Variants in SLC13A1 observed in about 807,000 individuals in gnomAD.
SLC13A1 encodes solute carrier family 13 member 1.
A neutral mutation model predicts 70.0 loss-of-function variants in SLC13A1; 65 were observed. The ratio of observed to expected loss-of-function variants is 0.93; its 90% CI spans 0.76 to 1.14. The LOEUF is 1.14. SLC13A1 is among the 50% of genes most tolerant of loss of function. The pLI is 0.00. For missense variants in SLC13A1, 726 were observed against 717.8 expected (o/e 1.01, Z -0.13); for synonymous variants, 275 against 250.5 (o/e 1.10, Z -0.92).
chr7:123,119,649 A>T (rs1047046828), intron 12 of SLC13A1, among the ~76,000 whole-genome samples: 3 of 152,156 alleles, frequency 2.0e-5, no homozygotes, highest in Non-Finnish European at 4.4e-5. Context: ...ATAGCTAGCT[A>T]TATTTAGGTA....
intron 1 of SLC13A1, among the ~76,000 whole-genome samples, chr7:123,199,064 G>T (rs1324067245): frequency 6.6e-6 from 1 of 152,142 alleles, no homozygotes; most frequent in African/African-American, 2.4e-5. Flanking sequence ...TCTGGGACCT[G>T]AAGCAGAGAA....
rs1364549147 is a variant in SLC13A1, at chr7:123,168,565, C to A, written c.554-4G>T. On this transcript the variant is annotated splice_region_variant and splice_polypyrimidine_tract_variant and intron_variant, in intron 4 of 14. Transcript: ENST00000194130. ...ATTTCATGTCCATTAACACTTTCTG[C>A]AAAACATTAAATAAAAGAAAAACAA... is the stretch of plus-strand genomic sequence containing the variant. The A allele has an allele frequency of 6.3e-7, 1 of 1,598,292 alleles. No individual in the cohort carries two copies.
At chr7:123,174,066 G>C (rs1398157919) in intron 2 of SLC13A1, among the ~76,000 whole-genome samples, 1 of 145,602 alleles carries the variant, frequency 6.9e-6, no homozygotes, top group Non-Finnish European at 1.5e-5. Context: ...CCTCCAAAAT[G>C]CTGGTATTCC....
intron 1 of SLC13A1, among the ~76,000 whole-genome samples, chr7:123,194,599 A>C (rs1796114859): frequency 2.0e-5 from 3 of 152,052 alleles, no homozygotes; most frequent in Admixed American, 6.6e-5. Context: ...GTGTGTAAAA[A>C]ACAAACAGTC....
rs753228974 is a variant in SLC13A1 at position 123,171,924 on chromosome 7, C to T, written c.229-20G>A. ...TGCCACCTGAAATAACAATTAAACC[C>T]GTGATTATTTACTTTGGTGGGGAAA... is the stretch of plus-strand genomic sequence containing the variant. On this transcript the variant is annotated intron_variant, in intron 2 of 14. Transcript: ENST00000194130. 22 of 1,604,256 alleles carry T rather than the reference C, an allele frequency of 1.4e-5. No homozygotes were observed. The highest frequency in any genetic ancestry group is 1.7e-4 in the Middle Eastern group (1 of 5,922).
chr7:123,153,561 G>A (rs975856375), intron 6 of SLC13A1, among the ~76,000 whole-genome samples: 15 of 152,036 alleles, frequency 9.9e-5, no homozygotes, highest in African/African-American at 3.6e-4. Flanking sequence ...GAGGACTAGA[G>A]GGACAGTAGC....
In SLC13A1 at chr7:123,129,442, G is replaced by C; in HGVS notation, c.972C>G (p.Val324=). The change falls in exon 9 of 15, where the codon GTC becomes GTG. Residue 324 remains valine (V), a synonymous_variant. Transcript: ENST00000194130. ...TCACCTCAGCACAAGCTTTTTGTTG[G>C]ACTGTTTTGGTTTTGCCACATTTGA... ...EMFKCGKTKT[V]QQKACAEVIK... 6.2e-7 allele frequency: 1 copy of C among 1,610,378 alleles called. No homozygotes were observed. The highest frequency in any genetic ancestry group is 8.5e-7 in the Non-Finnish European group (1 of 1,178,798).
intron 6 of SLC13A1, among the ~76,000 whole-genome samples, chr7:123,162,007 T>C (rs900571385): frequency 4.6e-5 from 7 of 151,790 alleles, no homozygotes; most frequent in Non-Finnish European, 1.0e-4. Context: ...GAAAAATCAA[T>C]TTGGAGACAA....
chr7:123,186,529 A>G (rs888947487), intron 1 of SLC13A1, among the ~76,000 whole-genome samples: 33 of 152,086 alleles, frequency 2.2e-4, no homozygotes, highest in Non-Finnish European at 4.1e-4. Context: ...CTTCACCTTA[A>G]CAGACCTCCT....
chr7:123,147,224 G>C lies in SLC13A1; in HGVS notation c.747C>G (p.Thr249=). 6.2e-7 allele frequency: 1 copy of C among 1,613,710 alleles called. No individual in the cohort carries two copies. The highest frequency in any genetic ancestry group is 8.5e-7 in the Non-Finnish European group (1 of 1,179,818). ...CAGTGATTGTTGTCAGTCCACCAAT[G>C]GTAGAAGAGTAGGCAATGCACAAAC... ...LTCLCIAYSS[T]IGGLTTITGT... Residue 249 remains threonine (T), a synonymous_variant, in exon 7 of 15, where the codon ACC becomes ACG. Transcript: ENST00000194130.
intron 1 of SLC13A1, among the ~76,000 whole-genome samples, chr7:123,194,785 C>G (rs1011777608): frequency 6.6e-6 from 1 of 151,978 alleles, no homozygotes; most frequent in African/African-American, 2.4e-5. Flanking sequence ...ATACAGCTTT[C>G]AAACCTGTGA....
rs28364200 is a variant in SLC13A1, at chr7:123,134,512, C to T, written c.830G>A (p.Arg277His). 29 of 1,612,918 alleles carry T rather than the reference C, an allele frequency of 1.8e-5. No individual in the cohort carries two copies. Among genetic ancestry groups the T allele is most frequent in the African/African-American group, 2.7e-5 (2 of 74,868 alleles). ...EYFNTRYPDC[R>H]CLNFGSWFTF... ...AAACCATGATCCAAAGTTGAGGCAA[C>T]GACAGTCAGGATAGCGTCTGTGTGA... Residue 277 changes from arginine to histidine, a missense_variant, in exon 8 of 15, where the codon CGT becomes CAT. By Grantham distance (29) the Arg-to-His change is conservative. Coordinates refer to ENST00000194130, the MANE Select transcript of SLC13A1 (RefSeq NM_022444.4).
At chr7:123,137,665 C>G (rs555676889) in intron 7 of SLC13A1, among the ~76,000 whole-genome samples, 1 of 152,254 alleles carries the variant, frequency 6.6e-6, no homozygotes, top group South Asian at 2.1e-4. Context: ...ACCCTGAGCC[C>G]CTGTCTAGGT....
rs1368004245 is a variant in SLC13A1, at chr7:123,187,499, T to C, written c.100-6398A>G. 3.3e-5 allele frequency among the ~76,000 whole-genome samples: 5 copies of C among 152,214 alleles called. No individual in the cohort carries two copies. The East Asian group carries it at 7.7e-4, about 23-fold the overall frequency. ...ACAAATAAAACATTCCATATTCTGT[T>C]AAAGACTGATGTTAAGGACCACTCC... On this transcript the variant is annotated intron_variant, in intron 1 of 14. Coordinates refer to ENST00000194130, the MANE Select transcript of SLC13A1 (RefSeq NM_022444.4).
chr7:123,198,403 A>C (rs1378838885), intron 1 of SLC13A1, among the ~76,000 whole-genome samples: 1 of 150,548 alleles, frequency 6.6e-6, no homozygotes, highest in Admixed American at 6.7e-5. Flanking sequence ...TATTATTATT[A>C]TTTACAAATT....
At chr7:123,188,411 A>G (rs1795886597) in intron 1 of SLC13A1, among the ~76,000 whole-genome samples, 2 of 152,146 alleles carry the variant, frequency 1.3e-5, no homozygotes, top group African/African-American at 2.4e-5. Context: ...TAACACCAAC[A>G]ATGTTCAGAA....
intron 6 of SLC13A1, among the ~76,000 whole-genome samples, chr7:123,152,873 A>C (rs1794599772): frequency 1.3e-5 from 2 of 152,122 alleles, no homozygotes; most frequent in Non-Finnish European, 2.9e-5. Context: ...TAAGTTTAAA[A>C]ATTCTTATGA....
chr7:123,122,465 C>T (rs1476613312), intron 12 of SLC13A1, among the ~76,000 whole-genome samples: 3 of 152,082 alleles, frequency 2.0e-5, no homozygotes, highest in African/African-American at 7.2e-5. Context: ...TCCAACAACT[C>T]TACAAAGACC....
rs1374550218 is a variant in SLC13A1 at position 123,114,024 on chromosome 7, C to CAGTG, written c.*1490_*1493dup. The CAGTG allele has an allele frequency of 7.6e-6, 1 of 131,616 alleles. No individual in the cohort carries two copies. Among genetic ancestry groups the CAGTG allele is most frequent in the African/African-American group, 2.9e-5 (1 of 34,394 alleles). 8.2% of individuals were successfully genotyped at this position (131,616 alleles called of 1,614,324 possible). On this transcript the variant is annotated 3_prime_UTR_variant, in exon 15 of 15. Coordinates refer to ENST00000194130, the MANE Select transcript of SLC13A1 (RefSeq NM_022444.4). ...GCGTGAACCTGGGAGGCGGAGCTTG[C>CAGTG]AGTGAGCCGAGATCCCGCCACTGCA...
Sources: gnomAD v4.1 joint callset for allele counts (sites outside exome capture counted in the v4.1 genomes callset) on GRCh38, gnomAD v4.1.1 for gene constraint, MANE v1.5 for transcripts, NCBI Gene and HGNC (gene_info 2026-07-23, HGNC 2026-07-21) for gene names.